Variants in HS6ST3 observed in about 807,000 individuals in gnomAD.
HS6ST3 encodes the protein heparan sulfate 6-O-sulfotransferase 3.
HS6ST3 carries 12 observed loss-of-function variants against 36.7 expected under a neutral mutation model. The ratio of observed to expected loss-of-function variants is 0.33; its 90% CI spans 0.21 to 0.53. The LOEUF is 0.53. HS6ST3 is among the 20% of genes least tolerant of loss of function. HS6ST3 has a pLI of 0.95. For synonymous variants in HS6ST3, 240 were observed against 257.5 expected, an observed-to-expected ratio of 0.93 and a Z score of 0.65; for missense variants, 584 against 640.9, an observed-to-expected ratio of 0.91 and a Z score of 0.96.
intron 1 of HS6ST3, among the ~76,000 whole-genome samples, chr13:96,527,697 G>A (rs1422470067): frequency 6.6e-6 from 1 of 152,202 alleles, no homozygotes; most frequent in Non-Finnish European, 1.5e-5. Flanking sequence ...ATCACCAGCA[G>A]AGGGAACTGC....
chr13:96,314,948 CAAAT>C (rs1250522180), intron 1 of HS6ST3, among the ~76,000 whole-genome samples: 4 of 151,944 alleles, frequency 2.6e-5, no homozygotes, highest in Admixed American at 6.6e-5. Flanking sequence ...AAAGCAAAAA[CAAAT>C]AAAATATACC....
chr13:96,506,108 A>AT (rs781068997), intron 1 of HS6ST3, among the ~76,000 whole-genome samples: 177 of 152,172 alleles, frequency 1.2e-3, no homozygotes, highest in Admixed American at 5.2e-4. Context: ...TAATGCAGGG[A>AT]TTTTTTTAAT....
At chr13:96,815,562 T>C (rs1200929872) in intron 1 of HS6ST3, among the ~76,000 whole-genome samples, 1 of 152,154 alleles carries the variant, frequency 6.6e-6, no homozygotes, top group Non-Finnish European at 1.5e-5. Flanking sequence ...CAGTACTTCA[T>C]TGAGAAAGAC....
intron 1 of HS6ST3, among the ~76,000 whole-genome samples, chr13:96,403,068 G>A (rs1051964107): frequency 6.6e-6 from 1 of 152,088 alleles, no homozygotes; most frequent in African/African-American, 2.4e-5. Context: ...CCCCGTCTTT[G>A]TAACTTTTGC....
At chr13:96,673,261 G>A (rs1165473730) in intron 1 of HS6ST3, among the ~76,000 whole-genome samples, 3 of 152,068 alleles carry the variant, frequency 2.0e-5, no homozygotes, top group Non-Finnish European at 4.4e-5. Context: ...GATAATCCAG[G>A]ATAATCTCCT....
At chr13:96,617,291 T>G (rs2056478124) in intron 1 of HS6ST3, among the ~76,000 whole-genome samples, 1 of 152,236 alleles carries the variant, frequency 6.6e-6, no homozygotes, top group South Asian at 2.1e-4. Context: ...GTCCCTTACA[T>G]GGTAAATCCA....
intron 1 of HS6ST3, among the ~76,000 whole-genome samples, chr13:96,248,786 G>A (rs2054595160): frequency 6.6e-6 from 1 of 152,136 alleles, no homozygotes; most frequent in Non-Finnish European, 1.5e-5. Flanking sequence ...GCTATTCAAA[G>A]TATTTTTTAA....
chr13:96,475,612 C>CAAA (rs1251970502), intron 1 of HS6ST3, among the ~76,000 whole-genome samples: 118 of 91,496 alleles, frequency 1.3e-3, no homozygotes, highest in African/African-American at 4.2e-3. Context: ...GGAGTACTAC[C>CAAA]AAAAAAAAAA....
chr13:96,632,873 A>G (rs1304256892), intron 1 of HS6ST3, among the ~76,000 whole-genome samples: 3 of 152,220 alleles, frequency 2.0e-5, no homozygotes, highest in African/African-American at 4.8e-5. Flanking sequence ...TCATCTGAAT[A>G]CACCAGGCAA....
rs1430239261 is a variant in HS6ST3 at position 96,539,840 on chromosome 13, G to A, written c.708-292650G>A. ...CTTCCTTTTGTATTTGGACACATCC[G>A]CTTGTTCTACCAGTTCCCTGTTAAT... On this transcript the variant is annotated intron_variant, in intron 1 of 1. Transcript: ENST00000376705. Among the ~76,000 whole-genome samples, 5 of 152,126 alleles carry A rather than the reference G, an allele frequency of 3.3e-5. No homozygotes were observed. The South Asian group carries it at 8.3e-4, about 25-fold the overall frequency.
chr13:96,205,588 A>G (rs1362981228), intron 1 of HS6ST3, among the ~76,000 whole-genome samples: 3 of 152,110 alleles, frequency 2.0e-5, no homozygotes, highest in African/African-American at 4.8e-5. Flanking sequence ...ATGAAATACT[A>G]CAAATTGAAT....
intron 1 of HS6ST3, among the ~76,000 whole-genome samples, chr13:96,647,104 G>A (rs1005793166): frequency 4.0e-5 from 6 of 151,876 alleles, no homozygotes; most frequent in East Asian, 1.9e-4. Context: ...TGCATCATCC[G>A]TCAGACACTG....
intron 1 of HS6ST3, among the ~76,000 whole-genome samples, chr13:96,487,475 T>A (rs1241911665): frequency 1.3e-5 from 2 of 152,132 alleles, no homozygotes; most frequent in Non-Finnish European, 2.9e-5. Flanking sequence ...AATGTGACAT[T>A]CCTGCAAAGT....
intron 1 of HS6ST3, among the ~76,000 whole-genome samples, chr13:96,446,211 C>T (rs939818032): frequency 3.3e-5 from 5 of 151,474 alleles, no homozygotes; most frequent in Admixed American, 6.6e-5. Flanking sequence ...AAAAATATTT[C>T]GTTTATGGAA....
intron 1 of HS6ST3, among the ~76,000 whole-genome samples, chr13:96,226,781 G>T (rs2054482944): frequency 1.3e-5 from 2 of 152,026 alleles, no homozygotes; most frequent in Admixed American, 1.3e-4. Flanking sequence ...CACATTTATG[G>T]CACATACATA....
At chr13:96,394,442 C>T (rs1171449012) in intron 1 of HS6ST3, among the ~76,000 whole-genome samples, 4 of 152,174 alleles carry the variant, frequency 2.6e-5, no homozygotes, top group African/African-American at 9.7e-5. Context: ...CATCCTCACT[C>T]CTGTCCTGCA....
chr13:96,464,138 C>CAAAAAAAAA lies in HS6ST3; in HGVS notation c.708-368337_708-368329dup, dbSNP rs67305199. Among the ~76,000 whole-genome samples the CAAAAAAAAA allele has an allele frequency of 1.6e-3, 61 of 38,768 alleles. 1 individual carries two copies. Among genetic ancestry groups the CAAAAAAAAA allele is most frequent in the African/African-American group, 1.8e-3 (23 of 12,702 alleles). 25.4% of individuals were successfully genotyped at this position (38,768 alleles called of 152,430 possible). On this transcript the variant is annotated intron_variant, in intron 1 of 1. Transcript: ENST00000376705. Reference sequence around the variant, plus strand: ...TCCTCAGGAAAGGACTGTCAGGCCTCAAAAAAAAAAAAAAAAAAAAAAATC... The same window carrying CAAAAAAAAA: ...TCCTCAGGAAAGGACTGTCAGGCCTCAAAAAAAAAAAAAAAAAAAAAAAAAAAAAAAATC...
At chr13:96,305,045 C>A (rs1005795152) in intron 1 of HS6ST3, among the ~76,000 whole-genome samples, 2 of 151,948 alleles carry the variant, frequency 1.3e-5, no homozygotes, top group African/African-American at 4.8e-5. Context: ...GTATTTACAT[C>A]CTTCCACATT....
chr13:96,526,530 T>C (rs1206146925), intron 1 of HS6ST3, among the ~76,000 whole-genome samples: 1 of 152,172 alleles, frequency 6.6e-6, no homozygotes, highest in East Asian at 1.9e-4. Flanking sequence ...TCTCAGTAAA[T>C]TGGCAACTCA....
Sources: allele counts gnomAD v4.1 joint callset (sites outside exome capture counted in the v4.1 genomes callset), GRCh38; gene constraint gnomAD v4.1.1; transcripts MANE v1.5; gene names NCBI Gene and HGNC (gene_info 2026-07-23, HGNC 2026-07-21).